Variants in HTR2C observed in about 807,000 individuals in gnomAD.
The protein encoded by HTR2C is 5-hydroxytryptamine receptor 2C.
A neutral mutation model predicts 21.0 loss-of-function variants in HTR2C; 5 were observed. The ratio of observed to expected loss-of-function variants is 0.24; its 90% CI spans 0.12 to 0.50. The LOEUF is 0.50. Among genes scored for constraint, HTR2C ranks in the 20% least tolerant of loss-of-function variants. The pLI is 0.98. For missense variants in HTR2C, 271 were observed against 371.2 expected (o/e 0.73, Z 2.22); for synonymous variants, 150 against 145.3 (o/e 1.03, Z -0.23).
intron 4 of HTR2C, among the ~76,000 whole-genome samples, chrX:114,799,824 A>G (rs2070329123): frequency 9.0e-6 from 1 of 111,259 alleles, no homozygotes; most frequent in Admixed American, 9.7e-5. Context: ...AATTTGTCTT[A>G]TTTGTATGTT....
At position 114,723,113 on chromosome X, in the gene HTR2C, T is replaced by C. The variant is rs1361186068; in HGVS notation, c.-79-3745T>C. 7.2e-5 allele frequency among the ~76,000 whole-genome samples: 8 copies of C among 111,463 alleles called. No individual in the cohort carries two copies. In the East Asian group the frequency reaches 1.4e-3, roughly 20 times the overall value. On this transcript the variant is annotated intron_variant, in intron 2 of 5. Transcript: ENST00000276198. ...TGGTACCAGTTCCTCCTTGTACCTC[T>C]GGTAGAATTTGGCTGTGAATCCATC... is the stretch of plus-strand genomic sequence containing the variant.
intron 4 of HTR2C, among the ~76,000 whole-genome samples, chrX:114,838,907 G>C (rs782757915): frequency 8.9e-6 from 1 of 112,198 alleles, no homozygotes; most frequent in Non-Finnish European, 1.9e-5. Flanking sequence ...TCTCCACATA[G>C]TGATAATCAG....
At chrX:114,698,028 C>T (rs782560784) in intron 2 of HTR2C, among the ~76,000 whole-genome samples, 14 of 111,842 alleles carry the variant, frequency 1.3e-4, no homozygotes, top group South Asian at 3.7e-4. Context: ...GGTTGTAGGA[C>T]TGAGGTCCCT....
chrX:114,836,767 G>A (rs1239804865), intron 4 of HTR2C, among the ~76,000 whole-genome samples: 5 of 111,651 alleles, frequency 4.5e-5, no homozygotes, highest in Admixed American at 9.4e-5. Flanking sequence ...TTTTATCATT[G>A]TATGTTGTTT....
chrX:114,668,694 T>C, intron 2 of HTR2C, among the ~76,000 whole-genome samples: 1 of 110,690 alleles, frequency 9.0e-6, no homozygotes, highest in Non-Finnish European at 1.9e-5. Context: ...CAAGAATTAT[T>C]TTTTTTACCT....
chrX:114,653,235 G>A (rs1930654397), intron 2 of HTR2C, among the ~76,000 whole-genome samples: 1 of 109,176 alleles, frequency 9.2e-6, no homozygotes, highest in African/African-American at 3.3e-5. Flanking sequence ...TAAATTTCTA[G>A]CCTAAGTTAT....
chrX:114,647,704 C>G (rs1160504048), intron 2 of HTR2C, among the ~76,000 whole-genome samples: 4 of 112,388 alleles, frequency 3.6e-5, no homozygotes, highest in Non-Finnish European at 3.8e-5. Context: ...ATGAGGTATA[C>G]AAGTAAGCTA....
intron 2 of HTR2C, among the ~76,000 whole-genome samples, chrX:114,631,630 A>T (rs1181196166): frequency 8.9e-6 from 1 of 111,783 alleles, no homozygotes; most frequent in Non-Finnish European, 1.9e-5. Context: ...TATCTTATAG[A>T]TGATGGCACC....
chrX:114,893,361 T>G (rs2071273291), intron 5 of HTR2C, among the ~76,000 whole-genome samples: 1 of 111,406 alleles, frequency 9.0e-6, no homozygotes, highest in African/African-American at 3.3e-5. Flanking sequence ...AATAAAGAAA[T>G]AAATCAATGC....
chrX:114,868,844 AT>A lies in HTR2C; in HGVS notation c.550+20651del, dbSNP rs782502332. 6.2e-3 allele frequency among the ~76,000 whole-genome samples: 669 copies of A among 107,194 alleles called. 8 individuals are homozygous for A. The highest frequency in any genetic ancestry group is 0.018 in the African/African-American group (524 of 29,636). 93.1% of individuals were successfully genotyped at this position (107,194 alleles called of 115,157 possible). A position where few individuals can be genotyped will look rare whatever the true frequency, so the allele number is the denominator to read the frequency against. On this transcript the variant is annotated intron_variant, in intron 5 of 5. Coordinates refer to ENST00000276198, the MANE Select transcript of HTR2C (RefSeq NM_000868.4). ...TTCAGCAGATGTTATCACTTTTTGTATTTTTTTTTTATTATACTTTAAATTC... is the reference window on the plus strand; with the variant it reads ...TTCAGCAGATGTTATCACTTTTTGTATTTTTTTTTATTATACTTTAAATTC...
intron 1 of HTR2C, among the ~76,000 whole-genome samples, chrX:114,593,472 G>A (rs1203749781): frequency 9.0e-6 from 1 of 111,468 alleles, no homozygotes; most frequent in East Asian, 2.8e-4. Flanking sequence ...GGTTTTACAT[G>A]CATCACGTCA....
rs868909445 is a variant in HTR2C, at chrX:114,795,018, C to T, written c.350-52985C>T. 2.6e-4 allele frequency among the ~76,000 whole-genome samples: 28 copies of T among 109,014 alleles called. No individual in the cohort carries two copies. In the South Asian group the frequency reaches 4.9e-3, roughly 19 times the overall value. 94.7% of individuals were successfully genotyped at this position (109,014 alleles called of 115,157 possible). ...ACAGTGTAAAAGTGTTCCTATTTCT[C>T]CACATCCTCTCCAGCACCTGTTGTT... On this transcript the variant is annotated intron_variant, in intron 4 of 5. Coordinates refer to ENST00000276198, the MANE Select transcript of HTR2C (RefSeq NM_000868.4).
rs57077055 is a variant in HTR2C, at chrX:114,586,093, A to C, written c.-147+1434A>C. ...ATTCTGACAATCAAAATATGAGTGC[A>C]ATAGAAACAAGGTGTTACTGTGTAG... On this transcript the variant is annotated intron_variant, in intron 1 of 5. Transcript: ENST00000276198. 9.1e-3 allele frequency among the ~76,000 whole-genome samples: 1,021 copies of C among 112,110 alleles called. 13 individuals are homozygous for C. The highest frequency in any genetic ancestry group is 0.031 in the African/African-American group (949 of 30,844).
intron 4 of HTR2C, among the ~76,000 whole-genome samples, chrX:114,806,542 G>A (rs1307186538): frequency 6.1e-5 from 4 of 65,765 alleles, no homozygotes; most frequent in Non-Finnish European, 5.4e-5. Flanking sequence ...TATATATACC[G>A]TATATATACC....
At chrX:114,846,893 T>A (rs1028293700) in intron 4 of HTR2C, among the ~76,000 whole-genome samples, 82 of 112,140 alleles carry the variant, frequency 7.3e-4, no homozygotes, top group African/African-American at 2.4e-3. Flanking sequence ...ATCTTATATA[T>A]GGAAAATCCC....
In HTR2C at chrX:114,727,038, T is replaced by TA. The variant is rs782111145; in HGVS notation, c.35+74dup. On this transcript the variant is annotated intron_variant, in intron 3 of 5. Transcript: ENST00000276198. ...TTGCTTGGTAGCTTGCTCAACATGT[T>TA]AAAAAAATGCTTCTATATGATCAGC... 5.6e-4 allele frequency: 360 copies of TA among 643,417 alleles called. 2 individuals carry two copies. The African/African-American group carries it at 6.0e-3, about 11-fold the overall frequency. The allele number at this position is 643,417 out of a possible 1,213,427, so 53.0% of individuals were successfully genotyped here. A position where few individuals can be genotyped will look rare whatever the true frequency, so the allele number is the denominator to read the frequency against.
chrX:114,765,024 CT>C (rs1412437694), intron 4 of HTR2C, among the ~76,000 whole-genome samples: 1 of 102,341 alleles, frequency 9.8e-6, no homozygotes, highest in African/African-American at 3.6e-5. Flanking sequence ...TTCTTTCTTT[CT>C]TTTTTCTTTC....
At chrX:114,851,233 C>G (rs1361114722) in intron 5 of HTR2C, among the ~76,000 whole-genome samples, 1 of 111,767 alleles carries the variant, frequency 8.9e-6, no homozygotes, top group Non-Finnish European at 1.9e-5. Flanking sequence ...AACTCACTGA[C>G]AAGTGAAGAA....
At chrX:114,851,147 A>T (rs1402072689) in intron 5 of HTR2C, among the ~76,000 whole-genome samples, 1 of 111,999 alleles carries the variant, frequency 8.9e-6, no homozygotes, top group Non-Finnish European at 1.9e-5. Flanking sequence ...AGGGACAGAT[A>T]GACAAGTCTA....
Sources: allele counts gnomAD v4.1 joint callset (sites outside exome capture counted in the v4.1 genomes callset), GRCh38; gene constraint gnomAD v4.1.1; transcripts MANE v1.5; gene names NCBI Gene and HGNC (gene_info 2026-07-23, HGNC 2026-07-21).